The following SLC11A1 variants were observed in gnomAD, a reference collection of about 807,000 sequenced individuals.
The protein encoded by SLC11A1 is natural resistance-associated macrophage protein 1.
SLC11A1 carries 59 observed loss-of-function variants against 63.2 expected under a neutral mutation model. The observed-to-expected ratio is 0.93, with a 90% CI of 0.76 to 1.16. The LOEUF is 1.16. Ranked by LOEUF, SLC11A1 falls within the 50% of genes most tolerant of loss-of-function variation. SLC11A1 has a pLI of 0.00. For synonymous variants in SLC11A1, 305 were observed against 307.8 expected, an observed-to-expected ratio of 0.99 and a Z score of 0.09; for missense variants, 688 against 730.7, an observed-to-expected ratio of 0.94 and a Z score of 0.67.
chr2:218,387,713 G>T lies in SLC11A1; in HGVS notation c.639+81G>T, dbSNP rs558851006. On this transcript the variant is annotated intron_variant, in intron 7 of 14. Coordinates refer to ENST00000233202, the MANE Select transcript of SLC11A1 (RefSeq NM_000578.4). ...TTCCCTCTGGCCGCGGGCTGCGGGG[G>T]GCTGGGGTGGGATGGAGGCTGAGAA... 1,409 of 1,611,394 alleles carry T rather than the reference G, an allele frequency of 8.7e-4. 11 individuals carry two copies. Among genetic ancestry groups the T allele is most frequent in the Middle Eastern group, 5.8e-4 (3 of 5,194 alleles).
chr2:218,394,132 G>C lies in SLC11A1; in HGVS notation c.1327G>C (p.Val443Leu). 6.2e-7 allele frequency: 1 copy of C among 1,614,026 alleles called. No individual in the cohort carries two copies. Residue 443 changes from valine to leucine, a missense_variant, in exon 13 of 15, where the codon GTG (valine) becomes CTG (leucine). By Grantham distance (32) the Val-to-Leu change is conservative (BLOSUM62 1). Transcript: ENST00000233202. ...VLQSLLLPFAVLPILTFTSMP... is the reference protein window; with the variant it reads ...VLQSLLLPFALLPILTFTSMP... ...CTGCTCTCCCCAGCTCCCGTTCGCC[G>C]TGCTGCCCATCCTCACGTTCACCAG...
At chr2:218,391,083 GC>G in intron 9 of SLC11A1, 114 bp from the exon 10 acceptor site, 1 of 804,714 alleles carries the variant, frequency 1.2e-6, no homozygotes, top group Non-Finnish European at 2.1e-6. Flanking sequence ...AATATGTCTG[GC>G]CAGATTCAGC....
Position 218,384,129 on chromosome 2 carries a change from G to A in SLC11A1, c.151-114G>A. The A allele has an allele frequency of 8.5e-7, 1 of 1,179,980 alleles. No homozygotes were observed. Among genetic ancestry groups the A allele is most frequent in the Non-Finnish European group, 1.1e-6 (1 of 871,622 alleles). 73.1% of individuals were successfully genotyped at this position (1,179,980 alleles called of 1,614,324 possible). ...GGCAGACCCAGGAATGGGCCATGGAGGGCAGGGCTGGGCTGATGAGCCTGT... is the reference window on the plus strand; with the variant it reads ...GGCAGACCCAGGAATGGGCCATGGAAGGCAGGGCTGGGCTGATGAGCCTGT... On this transcript the variant is annotated intron_variant, in intron 2 of 14. Coordinates refer to ENST00000233202, the MANE Select transcript of SLC11A1 (RefSeq NM_000578.4). This position sits in a 1 kb window ranked among gnomAD's most constrained non-coding sequence, Gnocchi z 4.0.
Position 218,395,984 on chromosome 2 carries a change from T to C in SLC11A1, c.*949T>C, listed in dbSNP as rs952772967. 6.6e-6 allele frequency: 1 copy of C among 152,376 alleles called. No homozygotes were observed. The highest frequency in any genetic ancestry group is 1.5e-5 in the Non-Finnish European group (1 of 68,030). 9.4% of individuals were successfully genotyped at this position (152,376 alleles called of 1,614,324 possible). ...AGGTCATAAGGAACCCAAGAGTCTG[T>C]GCCTCTGAGGCCCAAATTATTTGCT... On this transcript the variant is annotated 3_prime_UTR_variant, in exon 15 of 15. Coordinates refer to ENST00000233202, the MANE Select transcript of SLC11A1 (RefSeq NM_000578.4).
Position 218,392,974 on chromosome 2 carries a change from AC to A in SLC11A1, c.1165-3del. 1 of 1,583,032 alleles carries A rather than the reference AC, an allele frequency of 6.3e-7. No homozygotes were observed. ...ACTCCTCACCAAGGAGTTCACCCCC[AC>A]CCCAGGGCTTCCTGAGGCTGCGGTG... On this transcript the variant is annotated splice_polypyrimidine_tract_variant and splice_region_variant and intron_variant, in intron 11 of 14. Transcript: ENST00000233202.
chr2:218,391,293 C>T lies in SLC11A1; in HGVS notation c.1044+6C>T, dbSNP rs1356213702. The T allele has an allele frequency of 2.3e-5, 14 of 604,150 alleles. No individual in the cohort carries two copies. Among genetic ancestry groups the T allele is most frequent in the Non-Finnish European group, 3.6e-5 (12 of 331,970 alleles). 37.4% of individuals were successfully genotyped at this position (604,150 alleles called of 1,614,324 possible). On this transcript the variant is annotated splice_donor_region_variant and intron_variant, in intron 10 of 14. Coordinates refer to ENST00000233202, the MANE Select transcript of SLC11A1 (RefSeq NM_000578.4). ...CCGTGGACATTTACCAGGGGGTGAG[C>T]GCGGGTGGGTGGGGAGGGCGTGACC...
chr2:218,391,303 TGGGG>T lies in SLC11A1; in HGVS notation c.1044+17_1044+20del. ...TTACCAGGGGGTGAGCGCGGGTGGG[TGGGG>T]AGGGCGTGACCCAGAGAGGCTCCCC... On this transcript the variant is annotated intron_variant, in intron 10 of 14. Coordinates refer to ENST00000233202, the MANE Select transcript of SLC11A1 (RefSeq NM_000578.4). 3.4e-6 allele frequency: 1 copy of T among 293,178 alleles called. No individual in the cohort carries two copies. Among genetic ancestry groups the T allele is most frequent in the Non-Finnish European group, 6.9e-6 (1 of 145,626 alleles). The allele number at this position is 293,178 out of a possible 1,614,324, so 18.2% of individuals were successfully genotyped here.
intron 4 of SLC11A1, 33 bp downstream of exon 4, chr2:218,385,299 C>T (rs754405407): frequency 6.2e-7 from 1 of 1,613,476 alleles, no homozygotes; most frequent in Non-Finnish European, 8.5e-7. Context: ...GGGAGAACCA[C>T]TGGCCCCAAA....
In SLC11A1 at chr2:218,392,963, A is replaced by T; in HGVS notation, c.1165-18A>T. On this transcript the variant is annotated intron_variant, in intron 11 of 14. Coordinates refer to ENST00000233202, the MANE Select transcript of SLC11A1 (RefSeq NM_000578.4). The stretch of plus-strand genomic sequence containing the variant: ...CAGTCCTGTCTACTCCTCACCAAGG[A>T]GTTCACCCCCACCCCAGGGCTTCCT... The T allele has an allele frequency of 6.4e-7, 1 of 1,573,800 alleles. No homozygotes were observed. The highest frequency in any genetic ancestry group is 8.6e-7 in the Non-Finnish European group (1 of 1,164,660).
intron 1 of SLC11A1, 137 bp from the exon 2 acceptor site, chr2:218,382,823 G>A: frequency 2.0e-6 from 2 of 975,764 alleles, no homozygotes; most frequent in South Asian, 1.5e-5. Context: ...AGAGGTGGAG[G>A]TGATGGACCC....
rs1696760581 is a variant in SLC11A1 at position 218,396,300 on chromosome 2, T to C, written c.*1265T>C. 1 of 152,338 alleles carries C rather than the reference T, an allele frequency of 6.6e-6. No individual in the cohort carries two copies. Among genetic ancestry groups the C allele is most frequent in the Admixed American group, 6.5e-5 (1 of 15,288 alleles). 9.4% of individuals were successfully genotyped at this position (152,338 alleles called of 1,614,324 possible). On this transcript the variant is annotated 3_prime_UTR_variant, in exon 15 of 15. Transcript: ENST00000233202. ...TTCGCCCCATTCAGGGGCTGCACTT[T>C]ATAGACGTTCCCTAGGCTGTTTCTA...
intron 12 of SLC11A1, among the ~76,000 whole-genome samples, 154 bp downstream of exon 12, chr2:218,393,284 G>T (rs1696562353): frequency 1.3e-5 from 2 of 152,078 alleles, no homozygotes; most frequent in African/African-American, 2.4e-5. Context: ...ACCCTGGGGG[G>T]CAGGAGGGTA....
rs746788670 is a variant in SLC11A1, at chr2:218,395,098, G to T, written c.*63G>T. The T allele has an allele frequency of 7.7e-5, 100 of 1,295,200 alleles. No homozygotes were observed. The highest frequency in any genetic ancestry group is 7.6e-5 in the Non-Finnish European group (70 of 922,860). 80.2% of individuals were successfully genotyped at this position (1,295,200 alleles called of 1,614,324 possible). On this transcript the variant is annotated 3_prime_UTR_variant, in exon 15 of 15. Transcript: ENST00000233202. The stretch of plus-strand genomic sequence containing the variant: ...CGTGACTGGCCTGCTGGATGTGGAG[G>T]GGGCGCGTGCAGGCAGCAGGATAGA...
chr2:218,387,279 G>A, intron 6 of SLC11A1, 49 bp downstream of exon 6: 2 of 1,532,316 alleles, frequency 1.3e-6, no homozygotes, highest in Non-Finnish European at 1.8e-6. Context: ...TGAGGGTGCT[G>A]TACTGGGAGA....
In SLC11A1 at chr2:218,387,556, G is replaced by C; in HGVS notation, c.572-9G>C. 1 of 1,614,012 alleles carries C rather than the reference G, an allele frequency of 6.2e-7. No homozygotes were observed. The highest frequency in any genetic ancestry group is 8.5e-7 in the Non-Finnish European group (1 of 1,179,922). On this transcript the variant is annotated splice_polypyrimidine_tract_variant and intron_variant, in intron 6 of 14. Coordinates refer to ENST00000233202, the MANE Select transcript of SLC11A1 (RefSeq NM_000578.4). ...TTGGTTTGTTTAGTTTGTTTGTTCT[G>C]CTCCGTAGGGCTGCGGAAGCTGGAA...
chr2:218,391,680 A>G (rs183140464), intron 11 of SLC11A1, 185 bp downstream of exon 11: 15 of 738,864 alleles, frequency 2.0e-5, no homozygotes, highest in Non-Finnish European at 3.1e-5. Flanking sequence ...GCTGGAGTGC[A>G]GTGGCGCGAT....
chr2:218,394,939 C>T lies in SLC11A1; in HGVS notation c.1557C>T (p.Cys519=), dbSNP rs1696675279. Residue 519 remains cysteine, a synonymous_variant, in exon 15 of 15, where the codon TGC becomes TGT. Transcript: ENST00000233202. ...CCCTCCCCCAGGTCTGGACCTGTTG[C>T]CTTGCCCACGGAGCCACCTTTCTGG... ...GLSTYLVWTC[C]LAHGATFLAH... is the part of the protein sequence containing the mutation. 1 of 1,613,128 alleles carries T rather than the reference C, an allele frequency of 6.2e-7. No individual in the cohort carries two copies. The highest frequency in any genetic ancestry group is 1.3e-5 in the African/African-American group (1 of 75,058).
Position 218,394,639 on chromosome 2 carries a change from A to G in SLC11A1, c.1396A>G (p.Lys466Glu), listed in dbSNP as rs924301427. Reference sequence around the variant, plus strand: ...CTCTCTCGTGTCCCCCAGGCTGAACAAGGTCGTCACCTCTTCCATCATGGT... The same window carrying G: ...CTCTCTCGTGTCCCCCAGGCTGAACGAGGTCGTCACCTCTTCCATCATGGT... ...MQEFANGLLN[K>E]VVTSSIMVLV... The change falls in exon 14 of 15, where the codon AAG (lysine) becomes GAG (glutamate). Residue 466 changes from lysine to glutamate, a missense_variant. Physicochemically the swap from Lys to Glu is moderately conservative, Grantham distance 56 (BLOSUM62 1). Coordinates refer to ENST00000233202, the MANE Select transcript of SLC11A1 (RefSeq NM_000578.4). 6.2e-7 allele frequency: 1 copy of G among 1,613,634 alleles called. No individual in the cohort carries two copies. Among genetic ancestry groups the G allele is most frequent in the Non-Finnish European group, 8.5e-7 (1 of 1,180,020 alleles).
rs367855750 is a variant in SLC11A1, at chr2:218,391,389, G to A, written c.1058G>A (p.Gly353Asp). The A allele has an allele frequency of 6.2e-7, 1 of 1,613,862 alleles. No homozygotes were observed. The highest frequency in any genetic ancestry group is 8.5e-7 in the Non-Finnish European group (1 of 1,179,948). ...TCGTCCCTGCAGGGCGTGATCCTGG[G>A]CTGCCTGTTCGGCCCCGCGGCCCTC... ...VDIYQGGVIL[G>D]CLFGPAALYI... is the part of the protein sequence containing the mutation. The change falls in exon 11 of 15, where the codon GGC becomes GAC. Residue 353 changes from glycine to aspartate, a missense_variant. Transcript: ENST00000233202.
Sources: allele counts gnomAD v4.1 joint callset (sites outside exome capture counted in the v4.1 genomes callset), GRCh38; gene constraint gnomAD v4.1.1; non-coding constraint Gnocchi (gnomAD v3.1); transcripts MANE v1.5; gene names NCBI Gene and HGNC (gene_info 2026-07-23, HGNC 2026-07-21).